The following GMEB1 variants were observed in gnomAD, a reference collection of about 807,000 sequenced individuals.
GMEB1 encodes the protein glucocorticoid modulatory element-binding protein 1.
Under a neutral mutation model 52.4 loss-of-function variants are expected in GMEB1, and 6 were observed. The observed-to-expected ratio is 0.11, with a 90% CI of 0.06 to 0.23. GMEB1 has a LOEUF of 0.23. Ranked by LOEUF, GMEB1 falls within the 10% of genes least tolerant of loss-of-function variation. The probability of loss-of-function intolerance (pLI) is 1.00; values close to 1 mark genes in which losing one functional copy is unlikely to be tolerated. For missense variants in GMEB1, 486 were observed against 685.6 expected, an observed-to-expected ratio of 0.71 and a Z score of 3.25; for synonymous variants, 255 against 244.9, an observed-to-expected ratio of 1.04 and a Z score of -0.38.
intron 1 of GMEB1, among the ~76,000 whole-genome samples, chr1:28,681,949 C>T (rs774545330): frequency 7.2e-5 from 11 of 152,032 alleles, no homozygotes; most frequent in Non-Finnish European, 1.6e-4. Flanking sequence ...GGTGATCCAC[C>T]CGCCTAGGCC....
intron 5 of GMEB1, among the ~76,000 whole-genome samples, chr1:28,694,474 A>G (rs1670106309): frequency 6.7e-6 from 1 of 149,518 alleles, no homozygotes; most frequent in Non-Finnish European, 1.5e-5. Flanking sequence ...GATTATAGGC[A>G]TGAGCCACCA....
At chr1:28,685,140 G>A (rs1275843385) in intron 2 of GMEB1, among the ~76,000 whole-genome samples, 3 of 151,972 alleles carry the variant, frequency 2.0e-5, no homozygotes, top group Non-Finnish European at 4.4e-5. Flanking sequence ...TTATCAAGCT[G>A]AGTCTAGCAC....
rs981999642 is a variant in GMEB1, at chr1:28,675,646, C to T, written c.-31+6807C>T. Among the ~76,000 whole-genome samples the T allele has an allele frequency of 3.0e-4, 44 of 147,456 alleles. 1 individual carries two copies. The highest frequency in any genetic ancestry group is 1.1e-3 in the African/African-American group (44 of 40,146). On this transcript the variant is annotated intron_variant, in intron 1 of 9. Transcript: ENST00000373816. ...AGTGAGCGGAGATCCCGCCACTGCA[C>T]TCCAGCCTGGGCAACAGAGTGAGAC...
chr1:28,693,071 C>T (rs1304897655), intron 5 of GMEB1, 26 bp downstream of exon 5: 1 of 1,213,906 alleles, frequency 8.2e-7, no homozygotes, highest in South Asian at 1.4e-5. Context: ...AAGCACATAC[C>T]TTTCAACAAA....
At chr1:28,702,911 C>T (rs930216985) in intron 7 of GMEB1, among the ~76,000 whole-genome samples, 3 of 151,958 alleles carry the variant, frequency 2.0e-5, no homozygotes, top group African/African-American at 7.3e-5. Flanking sequence ...AAAAATTAGC[C>T]GGGCGTGGTA....
At chr1:28,708,555 G>A (rs1200102018) in intron 8 of GMEB1, among the ~76,000 whole-genome samples, 3 of 151,966 alleles carry the variant, frequency 2.0e-5, no homozygotes, top group Admixed American at 6.6e-5. Context: ...TCTGCTTCAC[G>A]GGTTCAAGCA....
intron 5 of GMEB1, among the ~76,000 whole-genome samples, chr1:28,696,044 G>A (rs1670193777): frequency 5.5e-5 from 3 of 54,672 alleles, no homozygotes; most frequent in South Asian, 1.9e-3. Context: ...TATTTTTATT[G>A]TTTGTTTATT....
intron 9 of GMEB1, among the ~76,000 whole-genome samples, chr1:28,712,379 A>G (rs1349866577): frequency 6.6e-6 from 1 of 152,124 alleles, no homozygotes; most frequent in Non-Finnish European, 1.5e-5. Flanking sequence ...GCCATTGGTA[A>G]TCAACCTACA....
chr1:28,670,153 TTTTA>T (rs71027286), intron 1 of GMEB1, among the ~76,000 whole-genome samples: 89 of 150,822 alleles, frequency 5.9e-4, no homozygotes, highest in African/African-American at 2.0e-3. Context: ...TGGGGACCCT[TTTTA>T]TTTATTTATT....
chr1:28,680,418 A>C (rs1669340691), intron 1 of GMEB1, among the ~76,000 whole-genome samples: 1 of 152,064 alleles, frequency 6.6e-6, no homozygotes, highest in African/African-American at 2.4e-5. Context: ...GCACTGTGGT[A>C]GCCTTGGGGG....
intron 7 of GMEB1, 113 bp downstream of exon 7, chr1:28,702,682 T>C: frequency 1.2e-6 from 1 of 863,508 alleles, no homozygotes; most frequent in South Asian, 1.6e-5. Flanking sequence ...CTCATGCACG[T>C]AAATACTAAC....
chr1:28,687,393 A>C (rs1669727777), intron 2 of GMEB1, among the ~76,000 whole-genome samples: 1 of 144,054 alleles, frequency 6.9e-6, no homozygotes, highest in Admixed American at 7.1e-5. Context: ...CACACAAAAA[A>C]AGACAGTGGA....
At chr1:28,675,271 C>A (rs1163480266) in intron 1 of GMEB1, among the ~76,000 whole-genome samples, 2 of 152,022 alleles carry the variant, frequency 1.3e-5, no homozygotes, top group Non-Finnish European at 2.9e-5. Context: ...CCTGCCTTGG[C>A]CTCCCAAAGT....
intron 1 of GMEB1, among the ~76,000 whole-genome samples, chr1:28,673,895 C>G (rs571378810): frequency 6.6e-6 from 1 of 152,080 alleles, no homozygotes; most frequent in East Asian, 1.9e-4. Context: ...TCATGCCTGT[C>G]CCAGCACTTT....
intron 1 of GMEB1, among the ~76,000 whole-genome samples, chr1:28,676,912 G>A (rs1462494296): frequency 6.6e-6 from 1 of 152,024 alleles, no homozygotes; most frequent in Non-Finnish European, 1.5e-5. Context: ...AGATTAGCTA[G>A]ACATGGTGGC....
At position 28,702,916 on chromosome 1, in the gene GMEB1, G is replaced by A. The variant is rs147180939; in HGVS notation, c.730+347G>A. On this transcript the variant is annotated intron_variant, in intron 7 of 9. Coordinates refer to ENST00000373816, the MANE Select transcript of GMEB1 (RefSeq NM_001319674.2). ...AATACAAAAAAAAAATTAGCCGGGC[G>A]TGGTAGCAGGCGCCTGTAGTCCCAG... 3.3e-3 allele frequency among the ~76,000 whole-genome samples: 507 copies of A among 152,136 alleles called. 3 individuals carry two copies. The highest frequency in any genetic ancestry group is 0.012 in the African/African-American group (488 of 41,512).
chr1:28,681,574 T>C (rs1238058489), intron 1 of GMEB1, among the ~76,000 whole-genome samples: 2 of 152,122 alleles, frequency 1.3e-5, no homozygotes, highest in Admixed American at 1.3e-4. Context: ...TGGGGTATGA[T>C]AGTTGCAGGT....
chr1:28,700,892 G>C (rs1258372975), intron 6 of GMEB1, among the ~76,000 whole-genome samples: 1 of 152,084 alleles, frequency 6.6e-6, no homozygotes, highest in Non-Finnish European at 1.5e-5. Context: ...GAACAATATG[G>C]GTTTGATTGG....
chr1:28,706,168 A>G (rs1343039087), intron 8 of GMEB1, among the ~76,000 whole-genome samples: 2 of 152,134 alleles, frequency 1.3e-5, no homozygotes, highest in Admixed American at 1.3e-4. Flanking sequence ...AAATAAATAA[A>G]TAAATAAATA....
Sources: allele counts gnomAD v4.1 joint callset (sites outside exome capture counted in the v4.1 genomes callset), GRCh38; gene constraint gnomAD v4.1.1; transcripts MANE v1.5; gene names NCBI Gene and HGNC (gene_info 2026-07-23, HGNC 2026-07-21).